CORO7: variants seen among roughly 807,000 people sequenced by gnomAD.
The protein encoded by CORO7 is coronin 7, also known as coronin-7.
In CORO7, 107 loss-of-function variants were observed where a neutral mutation model predicts 126.6. The observed-to-expected ratio is 0.85, with a 90% CI of 0.72 to 0.99. CORO7 has a LOEUF of 0.99. CORO7 is among the 50% of genes least tolerant of loss of function. The pLI is 0.00. For synonymous variants in CORO7, 603 were observed against 536.8 expected (o/e 1.12, Z -1.70); for missense variants, 1,314 against 1,255.8 (o/e 1.05, Z -0.70).
At chr16:4,366,291 C>T (rs1430050883) in intron 9 of CORO7, among the ~76,000 whole-genome samples, 5 of 152,238 alleles carry the variant, frequency 3.3e-5, no homozygotes, top group Admixed American at 6.5e-5. Context: ...ATAGAGTGGG[C>T]GGGCCGGAAG....
At chr16:4,357,930 C>T in intron 25 of CORO7, 38 bp downstream of exon 25, 3 of 1,575,128 alleles carry the variant, frequency 1.9e-6, no homozygotes, top group Non-Finnish European at 8.7e-7. Context: ...CTCCAACCCC[C>T]ATCCCGCTTC....
chr16:4,362,662 G>A lies in CORO7; in HGVS notation c.1352C>T (p.Thr451Ile), dbSNP rs777862914. 2 of 1,530,250 alleles carry A rather than the reference G, an allele frequency of 1.3e-6. No individual in the cohort carries two copies. Among genetic ancestry groups the A allele is most frequent in the East Asian group, 2.5e-5 (1 of 40,114 alleles). The allele number at this position is 1,530,250 out of a possible 1,614,324, so 94.8% of individuals were successfully genotyped here. A position where few individuals can be genotyped will look rare whatever the true frequency, so the allele number is the denominator to read the frequency against. Reference protein sequence around the residue: ...PSSLGPSLSSTSGIGTSPSLR... With the variant: ...PSSLGPSLSSISGIGTSPSLR... ...ACTGGGGCTGGTCCCGATGCCACTG[G>A]TGCTGGAGAGTGAGGGCCCCAGGCT... The change falls in exon 15 of 28, where the codon ACC (threonine) becomes ATC (isoleucine). Residue 451 changes from threonine to isoleucine, a missense_variant. Coordinates refer to ENST00000251166, the MANE Select transcript of CORO7 (RefSeq NM_024535.5). This position sits in a 1 kb window ranked among gnomAD's most constrained non-coding sequence, Gnocchi z 5.3.
At chr16:4,395,047 G>A (rs1174827596) in intron 7 of CORO7, among the ~76,000 whole-genome samples, 1 of 152,212 alleles carries the variant, frequency 6.6e-6, no homozygotes, top group Non-Finnish European at 1.5e-5. Context: ...TGGCCTCCGT[G>A]GAGAGCCTGG....
At position 4,362,899 on chromosome 16, in the gene CORO7, GCAGA is replaced by G; in HGVS notation, c.1276-165_1276-162del. The G allele has an allele frequency of 1.2e-6, 1 of 825,066 alleles. No individual in the cohort carries two copies. The highest frequency in any genetic ancestry group is 1.6e-6 in the Non-Finnish European group (1 of 613,538). The allele number at this position is 825,066 out of a possible 1,614,324, so 51.1% of individuals were successfully genotyped here. A position where few individuals can be genotyped will look rare whatever the true frequency, so the allele number is the denominator to read the frequency against. On this transcript the variant is annotated intron_variant, in intron 14 of 27. Coordinates refer to ENST00000251166, the MANE Select transcript of CORO7 (RefSeq NM_024535.5). The surrounding 1 kb of genome is among the most constrained non-coding windows in gnomAD (Gnocchi z 5.3). The stretch of plus-strand genomic sequence containing the variant: ...AGCGGCGGGGGGCACGGGCATAAAC[GCAGA>G]CACACAGGGAAGCAGCCGAGCTTCA...
chr16:4,355,672 T>C (rs1237348516), intron 26 of CORO7: 8 of 333,234 alleles, frequency 2.4e-5, no homozygotes, highest in South Asian at 4.1e-5. Flanking sequence ...GGTTTCACCG[T>C]GTTAGCCAGG....
intron 6 of CORO7, among the ~76,000 whole-genome samples, chr16:4,404,803 G>A (rs941018308): frequency 2.6e-5 from 4 of 151,964 alleles, no homozygotes; most frequent in African/African-American, 7.3e-5. Flanking sequence ...AGGCTGCCAC[G>A]CATCCCCCTG....
chr16:4,376,315 C>T (rs759041795), intron 9 of CORO7, among the ~76,000 whole-genome samples: 29 of 152,234 alleles, frequency 1.9e-4, no homozygotes, highest in Non-Finnish European at 3.8e-4. Flanking sequence ...GTCCCGCCTG[C>T]CTGGAGGGGT....
At chr16:4,357,427 G>C (rs1248554296) in intron 25 of CORO7, 168 bp from the exon 26 acceptor site, 11 of 683,774 alleles carry the variant, frequency 1.6e-5, no homozygotes, top group Admixed American at 7.0e-5. Flanking sequence ...ATGTGACCTA[G>C]GCTGACTGCA....
At position 4,368,381 on chromosome 16, in the gene CORO7, G is replaced by A. The variant is rs111514523; in HGVS notation, c.786-2836C>T. On this transcript the variant is annotated intron_variant, in intron 9 of 27. Coordinates refer to ENST00000251166, the MANE Select transcript of CORO7 (RefSeq NM_024535.5). ...AATTAAAAATTAGCCTGCTGTGGTA[G>A]TGCACACCTGTGGTCCAGCTACTCG... Among the ~76,000 whole-genome samples the A allele has an allele frequency of 2.4e-3, 369 of 152,152 alleles. 3 individuals carry two copies. The highest frequency in any genetic ancestry group is 8.7e-3 in the African/African-American group (363 of 41,502).
chr16:4,401,562 G>C (rs556135339), intron 6 of CORO7, among the ~76,000 whole-genome samples: 1 of 152,226 alleles, frequency 6.6e-6, no homozygotes, highest in African/African-American at 2.4e-5. Context: ...GACAGAGAGA[G>C]GAGGATGAGA....
chr16:4,408,746 T>G (rs2056101544), intron 3 of CORO7, among the ~76,000 whole-genome samples: 2 of 152,208 alleles, frequency 1.3e-5, no homozygotes, highest in Non-Finnish European at 2.9e-5. Context: ...GCAGATCACT[T>G]GGGCTCAAGA....
At chr16:4,390,035 G>A (rs1280504103) in intron 7 of CORO7, among the ~76,000 whole-genome samples, 2 of 152,284 alleles carry the variant, frequency 1.3e-5, no homozygotes, top group Middle Eastern at 3.4e-3. Flanking sequence ...CACACTATTC[G>A]AGATGACATG....
At chr16:4,379,043 CTG>C (rs1399801035) in intron 9 of CORO7, among the ~76,000 whole-genome samples, 2 of 152,220 alleles carry the variant, frequency 1.3e-5, no homozygotes, top group East Asian at 3.9e-4. Flanking sequence ...CTTGTCTAAT[CTG>C]TCCTGGGACC....
intron 6 of CORO7, among the ~76,000 whole-genome samples, chr16:4,398,228 C>T (rs1050643356): frequency 1.3e-5 from 2 of 151,722 alleles, no homozygotes; most frequent in African/African-American, 4.8e-5. Context: ...TTTGAATATA[C>T]ATTTTAAAAA....
chr16:4,361,580 TC>T, intron 16 of CORO7, 111 bp from the exon 17 acceptor site: 1 of 1,291,090 alleles, frequency 7.7e-7, no homozygotes, highest in Non-Finnish European at 1.1e-6. Context: ...CAGCAGAGGC[TC>T]CCACCGCTGG....
At chr16:4,379,154 G>C (rs2141238478) in intron 9 of CORO7, among the ~76,000 whole-genome samples, 1 of 152,246 alleles carries the variant, frequency 6.6e-6, no homozygotes, top group African/African-American at 2.4e-5. Flanking sequence ...GGCTGGGTCG[G>C]GGTCGTGTTC....
chr16:4,398,470 A>G (rs1343137505), intron 6 of CORO7, among the ~76,000 whole-genome samples: 2 of 152,022 alleles, frequency 1.3e-5, no homozygotes, highest in Non-Finnish European at 2.9e-5. Flanking sequence ...GCTCGAGACG[A>G]GCCTGGCCAA....
intron 9 of CORO7, among the ~76,000 whole-genome samples, chr16:4,383,973 C>T (rs1188249791): frequency 6.6e-6 from 1 of 152,202 alleles, no homozygotes; most frequent in Non-Finnish European, 1.5e-5. Flanking sequence ...TACAGCGTCC[C>T]GGGAGAGCCA....
chr16:4,371,165 C>G (rs994168900), intron 9 of CORO7, among the ~76,000 whole-genome samples: 4 of 152,338 alleles, frequency 2.6e-5, no homozygotes, highest in Middle Eastern at 3.4e-3. Context: ...CGTGGGCAGA[C>G]CACCACTGCC....
Sources: allele counts gnomAD v4.1 joint callset (sites outside exome capture counted in the v4.1 genomes callset), GRCh38; gene constraint gnomAD v4.1.1; non-coding constraint Gnocchi (gnomAD v3.1); transcripts MANE v1.5; gene names NCBI Gene and HGNC (gene_info 2026-07-23, HGNC 2026-07-21).